Variants in MIR2052HG observed in about 807,000 individuals in gnomAD.
The protein encoded by MIR2052HG is MIR2052 host gene.
chr8:74,634,805 C>T (rs1179257503), intron 2 of MIR2052HG, among the ~76,000 whole-genome samples: 2 of 152,074 alleles, frequency 1.3e-5, no homozygotes, highest in African/African-American at 2.4e-5. Flanking sequence ...ACAACGAAAT[C>T]TGAGGGGTCC....
At chr8:74,736,790 G>T (rs1809748334) in intron 4 of MIR2052HG, among the ~76,000 whole-genome samples, 3 of 152,156 alleles carry the variant, frequency 2.0e-5, no homozygotes, top group Non-Finnish European at 4.4e-5. Context: ...CCCATCCAGG[G>T]GTTCCTCATT....
At chr8:74,704,738 A>C (rs750238915) in intron 4 of MIR2052HG, among the ~76,000 whole-genome samples, 2 of 152,056 alleles carry the variant, frequency 1.3e-5, no homozygotes, top group Non-Finnish European at 2.9e-5. Flanking sequence ...ATCTACTGAG[A>C]TCTCCCAAAT....
rs562522130 is a variant in MIR2052HG at position 74,720,842 on chromosome 8, G to A, written n.371+17160G>A. Among the ~76,000 whole-genome samples the A allele has an allele frequency of 3.3e-5, 5 of 152,156 alleles. No homozygotes were observed. The East Asian group carries it at 9.7e-4, about 30-fold the overall frequency. On this transcript the variant is annotated intron_variant and non_coding_transcript_variant, in intron 4 of 6. Coordinates refer to ENST00000523442, the Ensembl canonical transcript of MIR2052HG. ...GAAAGCAAGGCACATCTTACATGGT[G>A]GTAGGAGAGAGAGAGAGTGAAGAGG...
chr8:74,715,725 C>T (rs1216302437), intron 4 of MIR2052HG, among the ~76,000 whole-genome samples: 1 of 152,034 alleles, frequency 6.6e-6, no homozygotes, highest in Non-Finnish European at 1.5e-5. Flanking sequence ...TTGCCAGGAA[C>T]AAATAGAGCC....
chr8:74,755,517 T>C (rs576159507), intron 5 of MIR2052HG, among the ~76,000 whole-genome samples: 1 of 152,244 alleles, frequency 6.6e-6, no homozygotes, highest in South Asian at 2.1e-4. Context: ...ATTTATAGGA[T>C]GGATGCAGTG....
intron 2 of MIR2052HG, among the ~76,000 whole-genome samples, chr8:74,616,496 G>C (rs1158713776): frequency 6.6e-6 from 1 of 151,078 alleles, no homozygotes; most frequent in African/African-American, 2.4e-5. Context: ...TTAATACCAT[G>C]TCTCACCTTC....
intron 2 of MIR2052HG, among the ~76,000 whole-genome samples, chr8:74,639,117 G>A (rs920845016): frequency 6.6e-6 from 1 of 152,170 alleles, no homozygotes; most frequent in South Asian, 2.1e-4. Flanking sequence ...GTAGCCTTGA[G>A]ATCCACATTT....
chr8:74,697,085 A>G lies in MIR2052HG; in HGVS notation n.217-5294A>G, dbSNP rs185419190. Among the ~76,000 whole-genome samples, 5 of 152,276 alleles carry G rather than the reference A, an allele frequency of 3.3e-5. No individual in the cohort carries two copies. The East Asian group carries it at 9.6e-4, about 29-fold the overall frequency. On this transcript the variant is annotated intron_variant and non_coding_transcript_variant, in intron 2 of 6. Transcript: ENST00000523442. ...TACATACAAGAATCCTCAACAAAAT[A>G]CTAGTTAACTGAATCCAATAACATA...
intron 2 of MIR2052HG, among the ~76,000 whole-genome samples, chr8:74,633,068 G>A (rs933692347): frequency 6.6e-6 from 1 of 152,120 alleles, no homozygotes; most frequent in African/African-American, 2.4e-5. Flanking sequence ...TGCCCAGACT[G>A]TAGTACAGTG....
intron 2 of MIR2052HG, among the ~76,000 whole-genome samples, chr8:74,638,404 A>G (rs901191986): frequency 2.0e-5 from 3 of 152,216 alleles, no homozygotes; most frequent in Non-Finnish European, 4.4e-5. Context: ...GGGAACTTAC[A>G]TAAACAACTT....
In MIR2052HG at chr8:74,639,520, A is replaced by G. The variant is rs76588900; in HGVS notation, n.216+26580A>G. Among the ~76,000 whole-genome samples, 1,214 of 152,290 alleles carry G rather than the reference A, an allele frequency of 8.0e-3. 14 individuals are homozygous for G. Among genetic ancestry groups the G allele is most frequent in the Admixed American group, 0.026 (398 of 15,290 alleles). On this transcript the variant is annotated intron_variant and non_coding_transcript_variant, in intron 2 of 6. Coordinates refer to ENST00000523442, the Ensembl canonical transcript of MIR2052HG. ...GCACAACTGGTCACATAGAGTTATT[A>G]TTTATCTTTGCAGAATTTTAAGACA...
At chr8:74,700,115 TAA>T (rs1296150577) in intron 2 of MIR2052HG, among the ~76,000 whole-genome samples, 1 of 152,180 alleles carries the variant, frequency 6.6e-6, no homozygotes, top group Non-Finnish European at 1.5e-5. Flanking sequence ...AGATGGTTTT[TAA>T]ACTGCCAGTA....
intron 4 of MIR2052HG, among the ~76,000 whole-genome samples, chr8:74,714,700 T>TC (rs1215840842): frequency 4.6e-5 from 2 of 43,354 alleles, no homozygotes; most frequent in Non-Finnish European, 1.2e-4. Context: ...TTTTCCTTCT[T>TC]TTTTTTTTTT....
chr8:74,606,126 G>T (rs1808107186), intron 1 of MIR2052HG, among the ~76,000 whole-genome samples: 2 of 152,246 alleles, frequency 1.3e-5, no homozygotes, highest in African/African-American at 4.8e-5. Flanking sequence ...AGTTCCAGGT[G>T]CAGGGGCTTT....
intron 2 of MIR2052HG, among the ~76,000 whole-genome samples, chr8:74,685,743 T>G (rs1281400348): frequency 6.6e-6 from 1 of 152,038 alleles, no homozygotes; most frequent in Admixed American, 6.6e-5. Context: ...ATCACATTAT[T>G]TTATGTGAAT....
At chr8:74,721,428 C>T (rs1043784192) in intron 4 of MIR2052HG, among the ~76,000 whole-genome samples, 7 of 152,264 alleles carry the variant, frequency 4.6e-5, no homozygotes, top group African/African-American at 1.4e-4. Flanking sequence ...TTTTTTCAGT[C>T]CCATATGGTA....
intron 2 of MIR2052HG, among the ~76,000 whole-genome samples, chr8:74,657,478 G>A (rs566684179): frequency 6.6e-6 from 1 of 152,208 alleles, no homozygotes; most frequent in African/African-American, 2.4e-5. Context: ...GCACTGCCCA[G>A]GAGTCTATTA....
intron 4 of MIR2052HG, among the ~76,000 whole-genome samples, chr8:74,717,202 T>G (rs954086483): frequency 2.0e-5 from 3 of 151,808 alleles, no homozygotes; most frequent in Non-Finnish European, 4.4e-5. Context: ...TTCCACTCCC[T>G]GTGTCCATGT....
chr8:74,711,408 T>A (rs552655679), intron 4 of MIR2052HG, among the ~76,000 whole-genome samples: 32 of 152,320 alleles, frequency 2.1e-4, no homozygotes, highest in Non-Finnish European at 4.3e-4. Flanking sequence ...TTTTACTGAA[T>A]GAATGAATAG....
Sources: gnomAD v4.1 joint callset for allele counts (sites outside exome capture counted in the v4.1 genomes callset) on GRCh38, gnomAD v4.1.1 for gene constraint, MANE v1.5 for transcripts, NCBI Gene and HGNC (gene_info 2026-07-23, HGNC 2026-07-21) for gene names.